The following DCUN1D1 variants were observed in gnomAD, a reference collection of about 807,000 sequenced individuals.
DCUN1D1 encodes defective in cullin neddylation 1 domain containing 1.
DCUN1D1 carries 3 observed loss-of-function variants against 39.0 expected under a neutral mutation model. The ratio of observed to expected loss-of-function variants is 0.08; its 90% CI spans 0.04 to 0.20. The LOEUF (loss-of-function observed/expected upper bound fraction) is 0.20, where lower values mean the gene tolerates loss of function less well. Ranked by LOEUF, DCUN1D1 falls within the 10% of genes least tolerant of loss-of-function variation. The pLI, the probability that DCUN1D1 is intolerant of heterozygous loss-of-function variation, is 1.00. For synonymous variants in DCUN1D1, 82 were observed against 96.3 expected (o/e 0.85, Z 0.87); for missense variants, 158 against 302.4 (o/e 0.52, Z 3.54).
chr3:182,976,745 C>T (rs1296051636), intron 1 of DCUN1D1, among the ~76,000 whole-genome samples: 2 of 152,148 alleles, frequency 1.3e-5, no homozygotes, highest in Admixed American at 6.5e-5. Context: ...CTAAAAGGTA[C>T]CCCTCACCAG....
rs781630391 is a variant in DCUN1D1 at position 182,944,050 on chromosome 3, T to C, written c.*1044A>G. 6.6e-6 allele frequency: 1 copy of C among 152,594 alleles called. No individual in the cohort carries two copies. The highest frequency in any genetic ancestry group is 1.5e-5 in the Non-Finnish European group (1 of 68,016). 9.5% of individuals were successfully genotyped at this position (152,594 alleles called of 1,614,324 possible). A position where few individuals can be genotyped will look rare whatever the true frequency, so the allele number is the denominator to read the frequency against. On this transcript the variant is annotated 3_prime_UTR_variant, in exon 7 of 7. Coordinates refer to ENST00000292782, the MANE Select transcript of DCUN1D1 (RefSeq NM_020640.4). ...AAGAGCAGTACCTATATTATAAAGA[T>C]TGAACTTCATGGCTCATTACAACCA...
chr3:182,952,896 C>T lies in DCUN1D1; in HGVS notation c.521-5264G>A, dbSNP rs549437216. On this transcript the variant is annotated intron_variant, in intron 4 of 6. Transcript: ENST00000292782. Reference sequence around the variant, plus strand: ...CCAATCTCTCTTCTAGTTCAGCTTTCACTCCTTTCAAAGGACCACAGTGCT... The same window carrying T: ...CCAATCTCTCTTCTAGTTCAGCTTTTACTCCTTTCAAAGGACCACAGTGCT... 1.9e-3 allele frequency among the ~76,000 whole-genome samples: 284 copies of T among 152,386 alleles called. 1 individual carries two copies. Among genetic ancestry groups the T allele is most frequent in the Non-Finnish European group, 3.1e-3 (210 of 68,040 alleles).
In DCUN1D1 at chr3:182,941,411, A is replaced by T. The variant is rs1402342584; in HGVS notation, c.*3683T>A. ...AAATAGAAATTATTGCTATATTATG[A>T]TTGTAAAAATGGAGGCAATAAAGAG... On this transcript the variant is annotated 3_prime_UTR_variant, in exon 7 of 7. Coordinates refer to ENST00000292782, the MANE Select transcript of DCUN1D1 (RefSeq NM_020640.4). 1 of 152,104 alleles carries T rather than the reference A, an allele frequency of 6.6e-6. No individual in the cohort carries two copies. Among genetic ancestry groups the T allele is most frequent in the African/African-American group, 2.4e-5 (1 of 41,446 alleles). 9.4% of individuals were successfully genotyped at this position (152,104 alleles called of 1,614,324 possible). A position where few individuals can be genotyped will look rare whatever the true frequency, so the allele number is the denominator to read the frequency against.
chr3:182,962,210 C>G (rs1727433600), intron 3 of DCUN1D1, among the ~76,000 whole-genome samples: 1 of 152,180 alleles, frequency 6.6e-6, no homozygotes, highest in Non-Finnish European at 1.5e-5. Flanking sequence ...CAGAAAATCC[C>G]AGCAAGTTCA....
intron 6 of DCUN1D1, among the ~76,000 whole-genome samples, chr3:182,945,408 T>A (rs963548321): frequency 2.6e-5 from 4 of 152,212 alleles, no homozygotes; most frequent in African/African-American, 9.7e-5. Flanking sequence ...CCTTGAGTGA[T>A]AAAAGTAACT....
At chr3:182,946,390 T>C (rs1011180788) in intron 6 of DCUN1D1, among the ~76,000 whole-genome samples, 1 of 151,882 alleles carries the variant, frequency 6.6e-6, no homozygotes, top group African/African-American at 2.4e-5. Flanking sequence ...ACCCCGTCTC[T>C]ACTAAAAATA....
intron 4 of DCUN1D1, among the ~76,000 whole-genome samples, chr3:182,949,918 A>G (rs1429097590): frequency 1.3e-5 from 2 of 152,200 alleles, no homozygotes; most frequent in African/African-American, 4.8e-5. Flanking sequence ...TTCACATACA[A>G]ACATACTTAC....
rs999961980 is a variant in DCUN1D1 at position 182,942,870 on chromosome 3, TAA to T, written c.*2222_*2223del. The T allele has an allele frequency of 1.3e-4, 20 of 152,062 alleles. No homozygotes were observed. Among genetic ancestry groups the T allele is most frequent in the Non-Finnish European group, 7.4e-5 (5 of 67,890 alleles). 9.4% of individuals were successfully genotyped at this position (152,062 alleles called of 1,614,324 possible). A position where few individuals can be genotyped will look rare whatever the true frequency, so the allele number is the denominator to read the frequency against. On this transcript the variant is annotated 3_prime_UTR_variant, in exon 7 of 7. Transcript: ENST00000292782. ...ATCAGTCTTCTCTTTTCAGCCCTAG[TAA>T]AAGTTTTGTTTAATTCTAAGATGCC...
chr3:182,943,514 A>G lies in DCUN1D1; in HGVS notation c.*1580T>C, dbSNP rs1726242082. ...AAATCATGTAAAAAGCAGTTTTGAT[A>G]TGTCATTGTTTCTTAAAATAATTTC... On this transcript the variant is annotated 3_prime_UTR_variant, in exon 7 of 7. Coordinates refer to ENST00000292782, the MANE Select transcript of DCUN1D1 (RefSeq NM_020640.4). 1 of 152,538 alleles carries G rather than the reference A, an allele frequency of 6.6e-6. No homozygotes were observed. The highest frequency in any genetic ancestry group is 2.4e-5 in the African/African-American group (1 of 41,452). The allele number at this position is 152,538 out of a possible 1,614,324, so 9.4% of individuals were successfully genotyped here. A position where few individuals can be genotyped will look rare whatever the true frequency, so the allele number is the denominator to read the frequency against.
chr3:182,952,920 C>CT (rs1480065568), intron 4 of DCUN1D1, among the ~76,000 whole-genome samples: 1 of 152,216 alleles, frequency 6.6e-6, no homozygotes, highest in Non-Finnish European at 1.5e-5. Flanking sequence ...GACCACAGTG[C>CT]TTTGAGATCG....
chr3:182,966,898 G>A (rs1418808204), intron 1 of DCUN1D1, among the ~76,000 whole-genome samples: 1 of 152,150 alleles, frequency 6.6e-6, no homozygotes, highest in Non-Finnish European at 1.5e-5. Flanking sequence ...CCTGAAGTCA[G>A]GAGTTCAAGA....
chr3:182,957,948 A>C (rs797001727), intron 4 of DCUN1D1, among the ~76,000 whole-genome samples: 1 of 151,052 alleles, frequency 6.6e-6, no homozygotes, highest in East Asian at 1.9e-4. Flanking sequence ...AAAAAAAAAA[A>C]AAAAAAAAAA....
chr3:182,950,384 G>A (rs910971933), intron 4 of DCUN1D1, among the ~76,000 whole-genome samples: 2 of 151,954 alleles, frequency 1.3e-5, no homozygotes, highest in African/African-American at 4.8e-5. Context: ...CTGACCTTGT[G>A]ATCCGCCTGC....
Position 182,939,283 on chromosome 3 carries a change from CT to C in DCUN1D1, c.*5810del, listed in dbSNP as rs1362416164. On this transcript the variant is annotated 3_prime_UTR_variant, in exon 7 of 7. Coordinates refer to ENST00000292782, the MANE Select transcript of DCUN1D1 (RefSeq NM_020640.4). Reference sequence around the variant, plus strand: ...AGGAATAGTTCTAGAAGTACAGCCACTTTGGAAAAAGTTCAGCAGTTTTTTT... The same window carrying C: ...AGGAATAGTTCTAGAAGTACAGCCACTTGGAAAAAGTTCAGCAGTTTTTTT... 1 of 152,224 alleles carries C rather than the reference CT, an allele frequency of 6.6e-6. No homozygotes were observed. Among genetic ancestry groups the C allele is most frequent in the Non-Finnish European group, 1.5e-5 (1 of 68,046 alleles). 9.4% of individuals were successfully genotyped at this position (152,224 alleles called of 1,614,324 possible).
upstream of DCUN1D1, among the ~76,000 whole-genome samples, chr3:182,984,203 C>A (rs900237131): frequency 1.3e-5 from 2 of 152,144 alleles, no homozygotes; most frequent in African/African-American, 4.8e-5. Context: ...GTATGTTATA[C>A]CATATGGTCA....
chr3:182,945,645 A>G (rs902981184), intron 6 of DCUN1D1, among the ~76,000 whole-genome samples: 1 of 152,238 alleles, frequency 6.6e-6, no homozygotes, highest in African/African-American at 2.4e-5. Flanking sequence ...AGGAGCAGCT[A>G]TGAAATGATA....
intron 1 of DCUN1D1, chr3:182,980,061 G>A (rs568157296): frequency 3.3e-5 from 24 of 718,666 alleles, no homozygotes; most frequent in Middle Eastern, 7.0e-4. Flanking sequence ...TTCGGGGCGG[G>A]GGGAGGCTAC....
chr3:182,946,403 A>G (rs1726403596), intron 6 of DCUN1D1, among the ~76,000 whole-genome samples: 1 of 152,056 alleles, frequency 6.6e-6, no homozygotes, highest in South Asian at 2.1e-4. Flanking sequence ...TAAAAATACA[A>G]AAAATTAGGT....
chr3:182,961,734 G>A (rs1045224891), intron 3 of DCUN1D1, among the ~76,000 whole-genome samples: 3 of 152,172 alleles, frequency 2.0e-5, no homozygotes, highest in East Asian at 1.9e-4. Flanking sequence ...GTAATTAATC[G>A]CGTCTACTAT....
Sources: allele counts gnomAD v4.1 joint callset (sites outside exome capture counted in the v4.1 genomes callset), GRCh38; gene constraint gnomAD v4.1.1; transcripts MANE v1.5; gene names NCBI Gene and HGNC (gene_info 2026-07-23, HGNC 2026-07-21).